The following COL6A2 variants were observed in gnomAD, a reference collection of about 807,000 sequenced individuals.
COL6A2 encodes the protein collagen alpha-2(VI) chain.
In COL6A2, 90 loss-of-function variants were observed where a neutral mutation model predicts 124.9. The observed-to-expected ratio is 0.72, with a 90% CI of 0.61 to 0.86. The LOEUF is 0.86. Ranked by LOEUF, COL6A2 falls within the 40% of genes least tolerant of loss-of-function variation. The pLI is 0.00. For synonymous variants in COL6A2, 793 were observed against 618.2 expected (o/e 1.28, Z -4.19); for missense variants, 1,607 against 1,502.5 (o/e 1.07, Z -1.15).
chr21:46,130,593 T>G (rs1239963531), intron 27 of COL6A2, among the ~76,000 whole-genome samples: 1 of 151,942 alleles, frequency 6.6e-6, no homozygotes. Context: ...TCAGCCTCCC[T>G]GTGCCTGGCC....
At chr21:46,130,554 G>C (rs1439870646) in intron 27 of COL6A2, among the ~76,000 whole-genome samples, 3 of 151,886 alleles carry the variant, frequency 2.0e-5, no homozygotes, top group African/African-American at 7.3e-5. Context: ...AGGAGGAGGA[G>C]AGCAGAGTCC....
intron 27 of COL6A2, chr21:46,129,117 C>A (rs1358868242): frequency 8.7e-6 from 14 of 1,606,982 alleles, no homozygotes; most frequent in Non-Finnish European, 1.1e-5. Flanking sequence ...TCTGGCCTCG[C>A]TGAGCGGCTG....
At chr21:46,120,089 C>T (rs1414257195) in intron 15 of COL6A2, among the ~76,000 whole-genome samples, 1 of 150,878 alleles carries the variant, frequency 6.6e-6, no homozygotes, top group Non-Finnish European at 1.5e-5. Flanking sequence ...CACCATTCAC[C>T]CCCGGCCCAC....
chr21:46,129,090 C>T, intron 27 of COL6A2: 3 of 1,601,838 alleles, frequency 1.9e-6, no homozygotes, highest in Admixed American at 1.7e-5. Flanking sequence ...CTCGCCAGCC[C>T]AAATGCCGCT....
At chr21:46,121,480 CG>C in intron 17 of COL6A2, 75 bp from the exon 18 acceptor site, 1 of 1,414,088 alleles carries the variant, frequency 7.1e-7, no homozygotes, top group South Asian at 1.2e-5. Flanking sequence ...CAGGGCTGGA[CG>C]GGGCATGTCA....
intron 21 of COL6A2, among the ~76,000 whole-genome samples, chr21:46,123,595 TAGA>T (rs1568936647): frequency 1.3e-5 from 2 of 151,336 alleles, no homozygotes; most frequent in South Asian, 2.1e-4. Context: ...AGTGGGTGGA[TAGA>T]AGATGGATGA....
In COL6A2 at chr21:46,125,537, A is replaced by C; in HGVS notation, c.1889A>C (p.Asn630Thr). The C allele has an allele frequency of 6.2e-7, 1 of 1,612,928 alleles. No homozygotes were observed. Among genetic ancestry groups the C allele is most frequent in the Non-Finnish European group, 8.5e-7 (1 of 1,179,958 alleles). Residue 630 changes from asparagine to threonine, a missense_variant, in exon 25 of 28, where the codon AAC becomes ACC. By Grantham distance (65) the Asn-to-Thr change is moderately conservative. Transcript: ENST00000300527. The stretch of plus-strand genomic sequence containing the variant: ...AGCTCCGAGAGCATTGGGTACACCA[A>C]CTTCACACTGGAGAAGAACTTCGTC... ...IDSSESIGYT[N>T]FTLEKNFVIN...
intron 1 of COL6A2, among the ~76,000 whole-genome samples, chr21:46,098,494 A>AC (rs993741478): frequency 1.3e-5 from 2 of 149,762 alleles, no homozygotes; most frequent in African/African-American, 4.9e-5. Flanking sequence ...CGGTGCTGGG[A>AC]CCCCCGCTCC....
intron 17 of COL6A2, 21 bp from the exon 18 acceptor site, chr21:46,121,535 G>T (rs1426042192): frequency 6.2e-7 from 1 of 1,612,522 alleles, no homozygotes; most frequent in Admixed American, 1.7e-5. Context: ...GCTGACTTCT[G>T]AATTTCTCTC....
intron 16 of COL6A2, 23 bp from the exon 17 acceptor site, chr21:46,121,038 C>T (rs1158475472): frequency 1.9e-6 from 3 of 1,612,126 alleles, no homozygotes; most frequent in Non-Finnish European, 8.5e-7. Flanking sequence ...AAGAGAACCC[C>T]AAATTCCTCC....
chr21:46,116,335 G>A lies in COL6A2; in HGVS notation c.901-42G>A, dbSNP rs766707211. The A allele has an allele frequency of 1.9e-6, 3 of 1,610,378 alleles. No homozygotes were observed. The South Asian group carries it at 3.3e-5, about 18-fold the overall frequency. On this transcript the variant is annotated intron_variant, in intron 7 of 27. Transcript: ENST00000300527. The surrounding 1 kb of genome is among the most constrained non-coding windows in gnomAD (Gnocchi z 4.6). ...CTGGCCCTTCCCTGCCTGTGTCTCT[G>A]CAGAGCTCCTCACTAATGCCCCTCT... is the stretch of plus-strand genomic sequence containing the variant.
chr21:46,125,374 G>A (rs11702764), intron 24 of COL6A2, 63 bp downstream of exon 24: 2 of 1,605,492 alleles, frequency 1.2e-6, no homozygotes, highest in Middle Eastern at 1.7e-4. Flanking sequence ...GAGTGCAGCA[G>A]GGCTGGGTCA....
chr21:46,124,751 C>G (rs780574486), intron 22 of COL6A2, 38 bp downstream of exon 22: 2 of 1,607,354 alleles, frequency 1.2e-6, no homozygotes. Flanking sequence ...TCCCCCCAAC[C>G]TGCCAGGCCA....
rs200025682 is a variant in COL6A2, at chr21:46,111,983, G to A, written c.120G>A (p.Lys40=). 6.9e-5 allele frequency: 111 copies of A among 1,611,460 alleles called. No individual in the cohort carries two copies. The highest frequency in any genetic ancestry group is 8.6e-5 in the Non-Finnish European group (102 of 1,179,978). Reference sequence around the variant, plus strand: ...GACAGGTCCTGTGCCCCACAGAGAAGACCGACTGCCCCATCCACGTGTACT... The same window carrying A: ...GACAGGTCCTGTGCCCCACAGAGAAAACCGACTGCCCCATCCACGTGTACT... ...TTERNNNCPE[K]TDCPIHVYFV... The change falls in exon 3 of 28, where the codon AAG becomes AAA. Residue 40 remains lysine (K), a synonymous_variant. Coordinates refer to ENST00000300527, the MANE Select transcript of COL6A2 (RefSeq NM_001849.4).
chr21:46,112,756 C>G, intron 3 of COL6A2, 48 bp from the exon 4 acceptor site: 1 of 1,613,406 alleles, frequency 6.2e-7, no homozygotes, highest in South Asian at 1.1e-5. Flanking sequence ...TGCAGCCGCC[C>G]CAGGTCTCGA....
chr21:46,104,870 G>A (rs936056493), intron 1 of COL6A2, among the ~76,000 whole-genome samples: 1 of 152,212 alleles, frequency 6.6e-6, no homozygotes, highest in African/African-American at 2.4e-5. Context: ...AAGGCAGTGG[G>A]CCAATATATC....
intron 1 of COL6A2, among the ~76,000 whole-genome samples, 170 bp downstream of exon 1, chr21:46,098,343 G>T (rs925803707): frequency 6.6e-6 from 1 of 152,004 alleles, no homozygotes; most frequent in East Asian, 1.9e-4. Flanking sequence ...TCCTCGCGGG[G>T]CTGGGGCCGC....
Position 46,132,316 on chromosome 21 carries a change from C to T in COL6A2, c.2824C>T (p.Leu942=), listed in dbSNP as rs762899686. 1 of 1,607,248 alleles carries T rather than the reference C, an allele frequency of 6.2e-7. No homozygotes were observed. The highest frequency in any genetic ancestry group is 8.5e-7 in the Non-Finnish European group (1 of 1,179,574). Residue 942 remains leucine, a synonymous_variant, in exon 28 of 28, where the codon CTG becomes TTG. Coordinates refer to ENST00000300527, the MANE Select transcript of COL6A2 (RefSeq NM_001849.4). ...PRGGARRHAE[L]SFVFLTDGVT... is the part of the protein sequence containing the mutation. ...TGGCGGGGCCCGGAGGCACGCAGAG[C>T]TGTCCTTCGTGTTCCTCACGGACGG...
At chr21:46,119,582 G>A (rs1242510553) in intron 14 of COL6A2, among the ~76,000 whole-genome samples, 18 of 152,350 alleles carry the variant, frequency 1.2e-4, no homozygotes, top group Admixed American at 3.3e-4. Context: ...GGGCGGGACC[G>A]ACGCAGCAGA....
Sources: allele counts gnomAD v4.1 joint callset (sites outside exome capture counted in the v4.1 genomes callset), GRCh38; gene constraint gnomAD v4.1.1; non-coding constraint Gnocchi (gnomAD v3.1); transcripts MANE v1.5; gene names NCBI Gene and HGNC (gene_info 2026-07-23, HGNC 2026-07-21).